Variants in GRID2 observed in about 807,000 individuals in gnomAD.
GRID2 encodes glutamate receptor ionotropic, delta-2.
Under a neutral mutation model 114.8 loss-of-function variants are expected in GRID2, and 33 were observed. The ratio of observed to expected loss-of-function variants is 0.29; its 90% CI spans 0.22 to 0.38. GRID2 has a LOEUF of 0.38. Among genes scored for constraint, GRID2 ranks in the 10% least tolerant of loss-of-function variants. The probability of loss-of-function intolerance (pLI) is 1.00; values close to 1 mark genes in which losing one functional copy is unlikely to be tolerated. For synonymous variants in GRID2, 505 were observed against 449.9 expected (o/e 1.12, Z -1.55); for missense variants, 1,184 against 1,257.7 (o/e 0.94, Z 0.89).
intron 8 of GRID2, among the ~76,000 whole-genome samples, chr4:93,391,255 T>C (rs774203252): frequency 6.6e-6 from 1 of 152,182 alleles, no homozygotes; most frequent in Non-Finnish European, 1.5e-5. Context: ...AACATTCCAA[T>C]TTACTTCTAT....
intron 2 of GRID2, among the ~76,000 whole-genome samples, chr4:92,596,768 T>C (rs1009268782): frequency 6.6e-6 from 1 of 151,900 alleles, no homozygotes; most frequent in Admixed American, 6.6e-5. Flanking sequence ...AAAATATATA[T>C]ATTTAGAACC....
At chr4:92,777,063 C>A (rs1036506686) in intron 2 of GRID2, among the ~76,000 whole-genome samples, 1 of 151,394 alleles carries the variant, frequency 6.6e-6, no homozygotes, top group Non-Finnish European at 1.5e-5. Flanking sequence ...GTAAGTCCTC[C>A]GCTCATGGAA....
intron 2 of GRID2, among the ~76,000 whole-genome samples, chr4:92,810,788 CTTAT>C (rs1169564438): frequency 6.6e-6 from 1 of 151,830 alleles, no homozygotes; most frequent in African/African-American, 2.4e-5. Flanking sequence ...TTATTTCGTA[CTTAT>C]TTATTTATTT....
chr4:92,708,389 G>T (rs1235067556), intron 2 of GRID2, among the ~76,000 whole-genome samples: 1 of 152,062 alleles, frequency 6.6e-6, no homozygotes. Context: ...AATTTCTGTC[G>T]TTATTTCCTG....
At chr4:92,968,120 C>T (rs1753274411) in intron 2 of GRID2, among the ~76,000 whole-genome samples, 1 of 151,826 alleles carries the variant, frequency 6.6e-6, no homozygotes, top group Admixed American at 6.6e-5. Context: ...GATTTATCAA[C>T]ATAGAAGCAG....
chr4:93,159,126 A>C (rs1737446190), intron 4 of GRID2, among the ~76,000 whole-genome samples: 1 of 151,524 alleles, frequency 6.6e-6, no homozygotes, highest in Non-Finnish European at 1.5e-5. Flanking sequence ...AGCTGTGCTA[A>C]ATTTCCTAGC....
intron 2 of GRID2, among the ~76,000 whole-genome samples, chr4:92,979,567 C>G (rs530363211): frequency 4.0e-4 from 61 of 152,070 alleles, no homozygotes; most frequent in Non-Finnish European, 7.6e-4. Context: ...TTGTTGCTGT[C>G]TCCAAAGAGC....
intron 1 of GRID2, among the ~76,000 whole-genome samples, chr4:92,544,600 A>G (rs2149166127): frequency 6.6e-6 from 1 of 152,312 alleles, no homozygotes; most frequent in Non-Finnish European, 1.5e-5. Flanking sequence ...GCATTTTAAC[A>G]TATTAAAAGA....
chr4:93,733,779 A>T (rs192910184), intron 14 of GRID2, among the ~76,000 whole-genome samples: 1 of 152,056 alleles, frequency 6.6e-6, no homozygotes, highest in South Asian at 2.1e-4. Flanking sequence ...TGCTAATGAC[A>T]CTAATATTAG....
At chr4:92,610,331 A>G (rs888497787) in intron 2 of GRID2, among the ~76,000 whole-genome samples, 1 of 151,632 alleles carries the variant, frequency 6.6e-6, no homozygotes, top group Admixed American at 6.6e-5. Flanking sequence ...CTGGACTGCT[A>G]TGAGTAAGAG....
intron 1 of GRID2, among the ~76,000 whole-genome samples, chr4:92,485,996 C>T (rs1722869111): frequency 6.6e-6 from 1 of 151,452 alleles, no homozygotes; most frequent in Admixed American, 6.6e-5. Flanking sequence ...CTTGTGAAAT[C>T]CACCAAGAAA....
intron 2 of GRID2, among the ~76,000 whole-genome samples, chr4:92,866,561 T>A (rs1039061358): frequency 6.6e-6 from 1 of 151,902 alleles, no homozygotes; most frequent in Non-Finnish European, 1.5e-5. Context: ...TTTTTTCTTC[T>A]GAGATGGAGG....
chr4:93,687,904 G>C lies in GRID2; in HGVS notation c.2360+61469G>C, dbSNP rs539466346. Among the ~76,000 whole-genome samples the C allele has an allele frequency of 2.0e-3, 305 of 151,980 alleles. 2 individuals carry two copies. Among genetic ancestry groups the C allele is most frequent in the Non-Finnish European group, 2.2e-3 (151 of 67,904 alleles). On this transcript the variant is annotated intron_variant, in intron 14 of 15. Transcript: ENST00000282020. ...CTAATGGAAATGATCTAGTAGAGAG[G>C]CAAAGACGGATATAGGAGAAAAATA...
chr4:93,693,483 T>G (rs1726745681), intron 14 of GRID2, among the ~76,000 whole-genome samples: 1 of 152,242 alleles, frequency 6.6e-6, no homozygotes, highest in African/African-American at 2.4e-5. Flanking sequence ...TTGTTTTCTA[T>G]TTAAAGTGTG....
intron 8 of GRID2, among the ~76,000 whole-genome samples, chr4:93,278,125 A>G (rs949194645): frequency 2.0e-5 from 3 of 151,984 alleles, no homozygotes; most frequent in African/African-American, 7.2e-5. Context: ...ACATGCCAGA[A>G]TGGGAGGCAA....
chr4:92,869,265 A>G lies in GRID2; in HGVS notation c.245-215730A>G, dbSNP rs1177548736. Among the ~76,000 whole-genome samples the G allele has an allele frequency of 2.0e-5, 3 of 152,358 alleles. No individual in the cohort carries two copies. In the Middle Eastern group the frequency reaches 0.01, roughly 518 times the overall value. On this transcript the variant is annotated intron_variant, in intron 2 of 15. Coordinates refer to ENST00000282020, the MANE Select transcript of GRID2 (RefSeq NM_001510.4). The stretch of plus-strand genomic sequence containing the variant: ...AGCAATATAACGAGTGATTAATTCA[A>G]GATGAAATTTATCATAAAGTGTAAT...
chr4:93,561,278 T>G (rs1010069460), intron 13 of GRID2, among the ~76,000 whole-genome samples: 1 of 152,146 alleles, frequency 6.6e-6, no homozygotes, highest in Non-Finnish European at 1.5e-5. Flanking sequence ...TAAAAGAGAT[T>G]GTATGTTAGT....
intron 13 of GRID2, among the ~76,000 whole-genome samples, chr4:93,583,971 A>T (rs1737267155): frequency 6.6e-6 from 1 of 152,212 alleles, no homozygotes; most frequent in South Asian, 2.1e-4. Flanking sequence ...TTTGGGAACC[A>T]CAGGAAGCAG....
chr4:92,859,606 T>G (rs2149433230), intron 2 of GRID2, among the ~76,000 whole-genome samples: 1 of 152,306 alleles, frequency 6.6e-6, no homozygotes, highest in Non-Finnish European at 1.5e-5. Context: ...GGATTATATT[T>G]CCAGATTCAC....
Sources: gnomAD v4.1 joint callset for allele counts (sites outside exome capture counted in the v4.1 genomes callset) on GRCh38, gnomAD v4.1.1 for gene constraint, MANE v1.5 for transcripts, NCBI Gene and HGNC (gene_info 2026-07-23, HGNC 2026-07-21) for gene names.